KCND2: variants seen among roughly 807,000 people sequenced by gnomAD.
The protein encoded by KCND2 is A-type voltage-gated potassium channel KCND2.
A neutral mutation model predicts 54.4 loss-of-function variants in KCND2; 16 were observed. The observed-to-expected ratio is 0.29, with a 90% CI of 0.20 to 0.45. The LOEUF (loss-of-function observed/expected upper bound fraction) is 0.45. Among genes scored for constraint, KCND2 ranks in the 20% least tolerant of loss-of-function variants. The pLI, the probability that KCND2 is intolerant of heterozygous loss-of-function variation, is 1.00. For missense variants in KCND2, 486 were observed against 824.2 expected (o/e 0.59, Z 5.02); for synonymous variants, 317 against 310.7 (o/e 1.02, Z -0.21).
chr7:120,442,335 G>A (rs751067018), intron 1 of KCND2, among the ~76,000 whole-genome samples: 2 of 152,110 alleles, frequency 1.3e-5, no homozygotes, highest in Non-Finnish European at 2.9e-5. Context: ...TTTAAATGAG[G>A]CATGCTCTGC....
At position 120,623,629 on chromosome 7, in the gene KCND2, G is replaced by A. The variant is rs1470464532; in HGVS notation, c.1116-109274G>A. 3.3e-5 allele frequency among the ~76,000 whole-genome samples: 5 copies of A among 152,122 alleles called. No homozygotes were observed. The East Asian group carries it at 7.7e-4, about 23-fold the overall frequency. ...GAGTATTAAAGTTCTATAGCACTTA[G>A]CACAATGCCTTACATTTGAGAGATA... On this transcript the variant is annotated intron_variant, in intron 1 of 5. Coordinates refer to ENST00000331113, the MANE Select transcript of KCND2 (RefSeq NM_012281.3).
chr7:120,724,919 A>G (rs1398208782), intron 1 of KCND2, among the ~76,000 whole-genome samples: 1 of 152,204 alleles, frequency 6.6e-6, no homozygotes, highest in African/African-American at 2.4e-5. Flanking sequence ...TTGAACATAA[A>G]ATATTCTGTA....
intron 1 of KCND2, among the ~76,000 whole-genome samples, chr7:120,680,194 G>A (rs1489182685): frequency 1.3e-5 from 2 of 152,086 alleles, no homozygotes; most frequent in African/African-American, 4.8e-5. Flanking sequence ...TGTGCTAGAA[G>A]TTGGAATAGA....
At chr7:120,621,298 A>C (rs1793095607) in intron 1 of KCND2, among the ~76,000 whole-genome samples, 1 of 150,512 alleles carries the variant, frequency 6.6e-6, no homozygotes, top group African/African-American at 2.4e-5. Context: ...AAAAAAAAAA[A>C]AAAAAAGAAC....
chr7:120,460,139 A>G (rs1217065050), intron 1 of KCND2, among the ~76,000 whole-genome samples: 1 of 152,150 alleles, frequency 6.6e-6, no homozygotes, highest in Non-Finnish European at 1.5e-5. Context: ...AACTTCCTCC[A>G]TAACTAAGCA....
intron 1 of KCND2, among the ~76,000 whole-genome samples, chr7:120,603,654 C>T (rs988538831): frequency 6.6e-6 from 1 of 152,194 alleles, no homozygotes; most frequent in Non-Finnish European, 1.5e-5. Flanking sequence ...GCTTTGACCT[C>T]CTCCCCTGAC....
At chr7:120,740,366 G>A (rs1792925712) in intron 2 of KCND2, among the ~76,000 whole-genome samples, 1 of 151,842 alleles carries the variant, frequency 6.6e-6, no homozygotes, top group African/African-American at 2.4e-5. Context: ...AGCATTCCAG[G>A]ACTTGAGACT....
chr7:120,351,375 C>T (rs1185437943), intron 1 of KCND2, among the ~76,000 whole-genome samples: 30 of 104,098 alleles, frequency 2.9e-4, no homozygotes, highest in African/African-American at 1.5e-3. Flanking sequence ...TACACACACA[C>T]ACACACACAC....
intron 1 of KCND2, among the ~76,000 whole-genome samples, chr7:120,367,273 G>A (rs1372934480): frequency 6.6e-6 from 1 of 152,084 alleles, no homozygotes; most frequent in Non-Finnish European, 1.5e-5. Flanking sequence ...TTTAAGAGAA[G>A]CAGTTATGAA....
intron 1 of KCND2, among the ~76,000 whole-genome samples, chr7:120,384,034 C>T (rs953872200): frequency 1.3e-5 from 2 of 152,064 alleles, no homozygotes; most frequent in African/African-American, 2.4e-5. Context: ...TCTGTGAGTG[C>T]TCAGGTCCCT....
intron 1 of KCND2, among the ~76,000 whole-genome samples, chr7:120,417,440 C>T (rs1801539919): frequency 6.6e-6 from 1 of 152,200 alleles, no homozygotes; most frequent in African/African-American, 2.4e-5. Context: ...TTTATTGAGA[C>T]CTTACGGCTG....
chr7:120,719,142 TA>T (rs1211088270), intron 1 of KCND2, among the ~76,000 whole-genome samples: 1 of 152,200 alleles, frequency 6.6e-6, no homozygotes, highest in African/African-American at 2.4e-5. Flanking sequence ...TTTTAGCTTT[TA>T]CCATTTACTT....
chr7:120,333,823 T>G (rs1563012592), intron 1 of KCND2, among the ~76,000 whole-genome samples: 1 of 152,168 alleles, frequency 6.6e-6, no homozygotes, highest in Non-Finnish European at 1.5e-5. Context: ...AGTATTACAC[T>G]GTGGCATGGG....
chr7:120,461,275 C>T (rs1212151107), intron 1 of KCND2, among the ~76,000 whole-genome samples: 1 of 152,184 alleles, frequency 6.6e-6, no homozygotes, highest in Non-Finnish European at 1.5e-5. Flanking sequence ...ACTGAGATCA[C>T]TCTGATTCTC....
intron 1 of KCND2, among the ~76,000 whole-genome samples, chr7:120,537,892 C>CTT (rs759179293): frequency 6.6e-6 from 1 of 152,122 alleles, no homozygotes; most frequent in Non-Finnish European, 1.5e-5. Context: ...ACCACTAAAA[C>CTT]TTTCTCCATA....
chr7:120,730,414 A>G (rs1049853068), intron 1 of KCND2, among the ~76,000 whole-genome samples: 1 of 152,160 alleles, frequency 6.6e-6, no homozygotes, highest in African/African-American at 2.4e-5. Flanking sequence ...TTCCAATCCC[A>G]CTGACATACC....
intron 1 of KCND2, among the ~76,000 whole-genome samples, chr7:120,307,758 G>A (rs192265539): frequency 2.0e-5 from 3 of 152,206 alleles, no homozygotes; most frequent in Admixed American, 2.0e-4. Flanking sequence ...TAGAACTGAA[G>A]CAAGCTTTAA....
intron 1 of KCND2, among the ~76,000 whole-genome samples, chr7:120,524,043 C>T (rs1394689035): frequency 6.6e-6 from 1 of 151,894 alleles, no homozygotes; most frequent in Non-Finnish European, 1.5e-5. Flanking sequence ...GGAGACCGGA[C>T]TGTGCAACAT....
chr7:120,613,419 T>A (rs2116489797), intron 1 of KCND2, among the ~76,000 whole-genome samples: 1 of 152,144 alleles, frequency 6.6e-6, no homozygotes, highest in Non-Finnish European at 1.5e-5. Flanking sequence ...TAATCACAGT[T>A]ACTTGGGAGG....
Sources: gnomAD v4.1 joint callset for allele counts (sites outside exome capture counted in the v4.1 genomes callset) on GRCh38, gnomAD v4.1.1 for gene constraint, MANE v1.5 for transcripts, NCBI Gene and HGNC (gene_info 2026-07-23, HGNC 2026-07-21) for gene names.